Variants in CYP7B1 observed in about 807,000 individuals in gnomAD.
The protein encoded by CYP7B1 is cytochrome P450 7B1.
In CYP7B1, 29 loss-of-function variants were observed where a neutral mutation model predicts 42.7. The observed-to-expected ratio is 0.68, with a 90% CI of 0.51 to 0.93. CYP7B1 has a LOEUF of 0.93. Ranked by LOEUF, CYP7B1 falls within the 40% of genes least tolerant of loss-of-function variation. CYP7B1 has a pLI of 0.00. For missense variants in CYP7B1, 655 were observed against 600.5 expected (o/e 1.09, Z -0.95); for synonymous variants, 235 against 218.2 (o/e 1.08, Z -0.68).
chr8:64,729,347 T>C (rs1317685441), intron 1 of CYP7B1, among the ~76,000 whole-genome samples: 8 of 152,214 alleles, frequency 5.3e-5, no homozygotes, highest in African/African-American at 1.9e-4. Context: ...CACACATTCA[T>C]GCACACACAA....
rs758028683 is a variant in CYP7B1, at chr8:64,798,556, C to A, written c.32G>T (p.Arg11Leu). The stretch of plus-strand genomic sequence containing the variant: ...GAGGCCCAACCGCTCCAGCGAAAAG[C>A]GGCCCGTGGCCGCGGACACTTCTCC... MAGEVSAATG[R>L]FSLERLGLPG... The change falls in exon 1 of 6, where the codon CGC (arginine) becomes CTC (leucine). Residue 11 changes from arginine to leucine, a missense_variant. By Grantham distance (102) the Arg-to-Leu change is moderately radical (BLOSUM62 -2). Transcript: ENST00000310193. The A allele has an allele frequency of 2.3e-5, 35 of 1,491,732 alleles. No individual in the cohort carries two copies. Among genetic ancestry groups the A allele is most frequent in the Non-Finnish European group, 2.8e-5 (32 of 1,129,966 alleles). 92.4% of individuals were successfully genotyped at this position (1,491,732 alleles called of 1,614,324 possible).
chr8:64,759,571 A>AT (rs534673937), intron 1 of CYP7B1, among the ~76,000 whole-genome samples: 20 of 152,158 alleles, frequency 1.3e-4, no homozygotes, highest in African/African-American at 4.6e-4. Context: ...CCGATAAATT[A>AT]TTTTTTTTAA....
At chr8:64,765,273 T>C (rs1420514283) in intron 1 of CYP7B1, among the ~76,000 whole-genome samples, 1 of 152,232 alleles carries the variant, frequency 6.6e-6, no homozygotes, top group Non-Finnish European at 1.5e-5. Flanking sequence ...TATCCTAATC[T>C]TGCGGCCTTA....
chr8:64,755,598 T>C (rs540236714), intron 1 of CYP7B1, among the ~76,000 whole-genome samples: 1 of 152,190 alleles, frequency 6.6e-6, no homozygotes, highest in South Asian at 2.1e-4. Flanking sequence ...TTTATATTTT[T>C]AGTAGAGACG....
chr8:64,760,099 T>C (rs1269661871), intron 1 of CYP7B1, among the ~76,000 whole-genome samples: 2 of 152,162 alleles, frequency 1.3e-5, no homozygotes, highest in East Asian at 1.9e-4. Context: ...CTCATGCATA[T>C]ATGATCAGCT....
chr8:64,618,388 T>G (rs901390381), intron 2 of CYP7B1, among the ~76,000 whole-genome samples: 1 of 152,056 alleles, frequency 6.6e-6, no homozygotes, highest in African/African-American at 2.4e-5. Context: ...CACACAATAT[T>G]TAGAGAATAT....
intron 1 of CYP7B1, among the ~76,000 whole-genome samples, chr8:64,730,642 A>C (rs1443983801): frequency 6.6e-6 from 1 of 152,100 alleles, no homozygotes; most frequent in Non-Finnish European, 1.5e-5. Context: ...CAGTTAACAC[A>C]ATGTGGTAAC....
intron 1 of CYP7B1, among the ~76,000 whole-genome samples, chr8:64,645,348 A>G (rs1805934295): frequency 6.6e-6 from 1 of 152,146 alleles, no homozygotes; most frequent in African/African-American, 2.4e-5. Context: ...TGACTTCCAC[A>G]ATGGTTGAAC....
At position 64,615,952 on chromosome 8, in the gene CYP7B1, A is replaced by C; in HGVS notation, c.589T>G (p.Tyr197Asp). 2.5e-6 allele frequency: 4 copies of C among 1,613,620 alleles called. No homozygotes were observed. The highest frequency in any genetic ancestry group is 3.4e-6 in the Non-Finnish European group (4 of 1,179,772). ...IIFEITFTTI[Y>D]GKVIVCDNNK... is the part of the protein sequence containing the mutation. ...TTGTCACAAACAATAACTTTTCCAT[A>C]TATAGTTGTAAATGTGATCTCAAAT... Residue 197 changes from tyrosine to aspartate, a missense_variant, in exon 3 of 6, where the codon TAT becomes GAT. Physicochemically the swap from Tyr to Asp is radical, Grantham distance 160 (BLOSUM62 -3). Coordinates refer to ENST00000310193, the MANE Select transcript of CYP7B1 (RefSeq NM_004820.5).
chr8:64,763,141 AG>A (rs1264982416), intron 1 of CYP7B1, among the ~76,000 whole-genome samples: 1 of 152,218 alleles, frequency 6.6e-6, no homozygotes, highest in Non-Finnish European at 1.5e-5. Flanking sequence ...CGGATCCAGC[AG>A]GGTGTCCACT....
At chr8:64,690,706 T>A (rs555245482) in intron 1 of CYP7B1, among the ~76,000 whole-genome samples, 3 of 152,274 alleles carry the variant, frequency 2.0e-5, no homozygotes, top group East Asian at 1.9e-4. Context: ...ATTCAAAAAA[T>A]ATATATAAAA....
intron 1 of CYP7B1, among the ~76,000 whole-genome samples, chr8:64,685,294 G>A (rs1178093060): frequency 2.2e-5 from 3 of 139,220 alleles, no homozygotes; most frequent in Admixed American, 2.2e-4. Flanking sequence ...CACCCCGTCT[G>A]GGAAGTGAGG....
intron 1 of CYP7B1, among the ~76,000 whole-genome samples, chr8:64,771,217 TGC>T (rs1804221915): frequency 6.6e-6 from 1 of 151,628 alleles, no homozygotes; most frequent in Admixed American, 6.6e-5. Context: ...CATGCCACCA[TGC>T]CCAGCTAATC....
intron 1 of CYP7B1, among the ~76,000 whole-genome samples, chr8:64,627,904 TCA>T (rs1034634592): frequency 6.6e-5 from 10 of 152,192 alleles, no homozygotes; most frequent in African/African-American, 2.2e-4. Context: ...AGGAAAGACA[TCA>T]CCATAATGAT....
chr8:64,622,673 G>A (rs1805549174), intron 2 of CYP7B1, among the ~76,000 whole-genome samples: 1 of 152,208 alleles, frequency 6.6e-6, no homozygotes, highest in Non-Finnish European at 1.5e-5. Context: ...ATGGTTATAA[G>A]TGATGGTAAG....
At chr8:64,633,637 TAGAG>T (rs1361409612) in intron 1 of CYP7B1, among the ~76,000 whole-genome samples, 1 of 152,104 alleles carries the variant, frequency 6.6e-6, no homozygotes. Context: ...AGATCTGAAA[TAGAG>T]AGATATTCTA....
chr8:64,712,428 A>G (rs899626789), intron 1 of CYP7B1, among the ~76,000 whole-genome samples: 3 of 152,138 alleles, frequency 2.0e-5, no homozygotes, highest in Non-Finnish European at 4.4e-5. Flanking sequence ...GTCACTTGAG[A>G]GTGGGAAGAT....
At chr8:64,694,062 A>G (rs1227161995) in intron 1 of CYP7B1, among the ~76,000 whole-genome samples, 1 of 152,208 alleles carries the variant, frequency 6.6e-6, no homozygotes, top group Non-Finnish European at 1.5e-5. Context: ...GGGCAACTGA[A>G]AAGAAAGAAA....
In CYP7B1 at chr8:64,695,855, C is replaced by T. The variant is rs193158268; in HGVS notation, c.123-71316G>A. 9.6e-4 allele frequency among the ~76,000 whole-genome samples: 146 copies of T among 151,882 alleles called. 1 individual carries two copies. Among genetic ancestry groups the T allele is most frequent in the Non-Finnish European group, 1.6e-4 (11 of 67,944 alleles). On this transcript the variant is annotated intron_variant, in intron 1 of 5. Transcript: ENST00000310193. ...AAAAAAGGGCTATTTTGTAATCTGG[C>T]TGCTTTTAAAAGAAAAGAAAAATTT...
Sources: allele counts gnomAD v4.1 joint callset (sites outside exome capture counted in the v4.1 genomes callset), GRCh38; gene constraint gnomAD v4.1.1; transcripts MANE v1.5; gene names NCBI Gene and HGNC (gene_info 2026-07-23, HGNC 2026-07-21).